Variants in DAAM2 observed in about 807,000 individuals in gnomAD.
DAAM2 encodes the protein dishevelled associated activator of morphogenesis 2.
In DAAM2, 39 loss-of-function variants were observed where a neutral mutation model predicts 120.7. That is an observed-to-expected ratio of 0.32 (90% confidence interval 0.25 to 0.42). The LOEUF (loss-of-function observed/expected upper bound fraction) is 0.42. Ranked by LOEUF, DAAM2 falls within the 10% of genes least tolerant of loss-of-function variation. The pLI is 1.00. For missense variants in DAAM2, 1,283 were observed against 1,401.7 expected, an observed-to-expected ratio of 0.92 and a Z score of 1.35; for synonymous variants, 488 against 524.9, an observed-to-expected ratio of 0.93 and a Z score of 0.96.
intron 6 of DAAM2, chr6:39,868,086 G>C (rs1296715111): frequency 1.9e-6 from 1 of 518,374 alleles, no homozygotes; most frequent in East Asian, 3.1e-5. Context: ...TTCCTTATTA[G>C]TCAGTGGGTT....
chr6:39,893,952 C>T (rs1239971480), intron 19 of DAAM2, among the ~76,000 whole-genome samples: 1 of 152,140 alleles, frequency 6.6e-6, no homozygotes, highest in Non-Finnish European at 1.5e-5. Context: ...GTCCATTTGC[C>T]AAAAGCTAGT....
At chr6:39,887,855 G>T (rs1454776416) in intron 16 of DAAM2, 2 of 447,188 alleles carry the variant, frequency 4.5e-6, no homozygotes, top group Non-Finnish European at 8.3e-6. Flanking sequence ...GCCTCGCTTG[G>T]CTCAGGCCAT....
At chr6:39,892,694 A>G (rs1765806448) in intron 19 of DAAM2, among the ~76,000 whole-genome samples, 1 of 152,148 alleles carries the variant, frequency 6.6e-6, no homozygotes, top group South Asian at 2.1e-4. Context: ...GGGGCAGAAC[A>G]GAGCATGGGC....
chr6:39,847,922 G>A lies in DAAM2; in HGVS notation c.-56-8325G>A, dbSNP rs551569815. 7.9e-5 allele frequency among the ~76,000 whole-genome samples: 12 copies of A among 152,252 alleles called. No individual in the cohort carries two copies. The South Asian group carries it at 2.5e-3, about 32-fold the overall frequency. Reference sequence around the variant, plus strand: ...CCAATGGCTTCTTCCTTCTTCCCCTGGCACTCAAGGCCCTCCTTTTTCTGG... The same window carrying A: ...CCAATGGCTTCTTCCTTCTTCCCCTAGCACTCAAGGCCCTCCTTTTTCTGG... On this transcript the variant is annotated intron_variant, in intron 1 of 24. Transcript: ENST00000274867.
At chr6:39,826,670 A>G (rs1391067218) in intron 1 of DAAM2, among the ~76,000 whole-genome samples, 2 of 152,096 alleles carry the variant, frequency 1.3e-5, no homozygotes, top group African/African-American at 4.8e-5. Context: ...ACTTCATATT[A>G]GGACTGTTTG....
At chr6:39,867,486 T>G (rs760471967) in intron 5 of DAAM2, 24 bp from the exon 6 acceptor site, 2 of 1,607,478 alleles carry the variant, frequency 1.2e-6, no homozygotes, top group Non-Finnish European at 1.7e-6. Context: ...CAAATATATG[T>G]TTGTTAATGG....
intron 1 of DAAM2, among the ~76,000 whole-genome samples, chr6:39,824,281 C>A (rs1179324247): frequency 6.6e-6 from 1 of 152,176 alleles, no homozygotes; most frequent in African/African-American, 2.4e-5. Context: ...CTCCCCATCC[C>A]CCTAGAGCCC....
At chr6:39,831,780 AG>A (rs1762904725) in intron 1 of DAAM2, among the ~76,000 whole-genome samples, 1 of 17,268 alleles carries the variant, frequency 5.8e-5, no homozygotes, top group South Asian at 2.8e-3. Flanking sequence ...AGGTGTACTG[AG>A]GGGGCAGGTG....
chr6:39,810,976 C>T (rs1342380803), intron 1 of DAAM2, among the ~76,000 whole-genome samples: 2 of 152,138 alleles, frequency 1.3e-5, no homozygotes, highest in South Asian at 4.1e-4. Flanking sequence ...TGGGCTTTGG[C>T]TTGGCCTGGG....
intron 5 of DAAM2, among the ~76,000 whole-genome samples, chr6:39,866,893 A>C (rs570020285): frequency 1.8e-4 from 27 of 152,226 alleles, no homozygotes; most frequent in Non-Finnish European, 2.9e-4. Flanking sequence ...GAAAATACTA[A>C]ATTTTAATTA....
At chr6:39,804,179 C>T (rs546114672) in intron 1 of DAAM2, among the ~76,000 whole-genome samples, 22 of 152,238 alleles carry the variant, frequency 1.4e-4, no homozygotes, top group Non-Finnish European at 3.1e-4. Context: ...TTTTTCTTCC[C>T]CTTTCCACAC....
chr6:39,792,846 T>A (rs1340826506), intron 1 of DAAM2, among the ~76,000 whole-genome samples: 1 of 152,192 alleles, frequency 6.6e-6, no homozygotes, highest in Non-Finnish European at 1.5e-5. Context: ...AACTGACAAC[T>A]TTTTGGTGGT....
intron 1 of DAAM2, among the ~76,000 whole-genome samples, chr6:39,841,471 A>C (rs2149253550): frequency 6.6e-6 from 1 of 152,120 alleles, no homozygotes; most frequent in African/African-American, 2.4e-5. Context: ...AGGAGCTCTG[A>C]CCTGAGTGGC....
At chr6:39,830,008 G>C (rs1762817544) in intron 1 of DAAM2, among the ~76,000 whole-genome samples, 4 of 152,012 alleles carry the variant, frequency 2.6e-5, no homozygotes, top group African/African-American at 9.7e-5. Context: ...ATCATTCCCT[G>C]TACAGCTCCA....
intron 1 of DAAM2, among the ~76,000 whole-genome samples, chr6:39,848,304 A>G (rs953769430): frequency 4.6e-5 from 7 of 152,102 alleles, no homozygotes; most frequent in African/African-American, 1.7e-4. Flanking sequence ...TGCTTTATAC[A>G]TGGCATTTAC....
intron 1 of DAAM2, among the ~76,000 whole-genome samples, chr6:39,818,101 G>A (rs1582615099): frequency 6.6e-6 from 1 of 150,748 alleles, no homozygotes; most frequent in South Asian, 2.1e-4. Context: ...ATCGCTTGAA[G>A]CTGGGAGGTG....
intron 1 of DAAM2, among the ~76,000 whole-genome samples, chr6:39,825,481 T>G (rs1762640296): frequency 1.3e-5 from 2 of 148,796 alleles, no homozygotes; most frequent in Admixed American, 6.7e-5. Flanking sequence ...GAAACATAGT[T>G]AAGCATACTC....
intron 1 of DAAM2, among the ~76,000 whole-genome samples, chr6:39,827,775 CA>C (rs757923211): frequency 6.6e-6 from 1 of 152,148 alleles, no homozygotes; most frequent in Non-Finnish European, 1.5e-5. Flanking sequence ...TGGAAAATCA[CA>C]AACCCAGTTT....
intron 17 of DAAM2, among the ~76,000 whole-genome samples, chr6:39,889,708 C>T (rs1344010823): frequency 2.0e-5 from 3 of 152,210 alleles, no homozygotes; most frequent in Non-Finnish European, 4.4e-5. Flanking sequence ...TAATTGCCTA[C>T]TGTTGACCAG....
Sources: gnomAD v4.1 joint callset for allele counts (sites outside exome capture counted in the v4.1 genomes callset) on GRCh38, gnomAD v4.1.1 for gene constraint, MANE v1.5 for transcripts, NCBI Gene and HGNC (gene_info 2026-07-23, HGNC 2026-07-21) for gene names.